The following SPOCK3 variants were observed in gnomAD, a reference collection of about 807,000 sequenced individuals.
The protein encoded by SPOCK3 is testican-3.
Under a neutral mutation model 56.6 loss-of-function variants are expected in SPOCK3, and 30 were observed. The ratio of observed to expected loss-of-function variants is 0.53; its 90% confidence interval spans 0.40 to 0.72. SPOCK3 has a LOEUF of 0.72. Among genes scored for constraint, SPOCK3 ranks in the 30% least tolerant of loss-of-function variants. The pLI is 0.00. For synonymous variants in SPOCK3, 196 were observed against 183.3 expected (o/e 1.07, Z -0.56); for missense variants, 527 against 530.0 (o/e 0.99, Z 0.06).
At chr4:166,984,880 A>C (rs1257426996) in intron 4 of SPOCK3, among the ~76,000 whole-genome samples, 1 of 152,124 alleles carries the variant, frequency 6.6e-6, no homozygotes, top group Non-Finnish European at 1.5e-5. Flanking sequence ...GTTTCATAAC[A>C]ATAATTCTTT....
intron 8 of SPOCK3, among the ~76,000 whole-genome samples, chr4:166,746,339 A>C (rs902652201): frequency 1.3e-5 from 2 of 152,176 alleles, no homozygotes; most frequent in African/African-American, 2.4e-5. Context: ...TAAGAAACTC[A>C]CTCAAAACCA....
At chr4:167,106,033 A>T (rs933799344) in intron 2 of SPOCK3, among the ~76,000 whole-genome samples, 3 of 151,920 alleles carry the variant, frequency 2.0e-5, no homozygotes, top group African/African-American at 7.2e-5. Context: ...TAATAGCTGG[A>T]GAGTTTAACA....
chr4:167,076,415 C>T (rs919056001), intron 2 of SPOCK3, among the ~76,000 whole-genome samples: 4 of 151,654 alleles, frequency 2.6e-5, no homozygotes, highest in Non-Finnish European at 4.4e-5. Context: ...TGGGAAAACT[C>T]TGTACCTTCT....
Position 166,778,999 on chromosome 4 carries a change from A to C in SPOCK3, c.709+13171T>G, listed in dbSNP as rs183456280. On this transcript the variant is annotated intron_variant, in intron 7 of 10. Transcript: ENST00000357545. ...GAAAATGAGATAAATTATCACCAAA[A>C]ACCACCTACCCAAAACTCGGATGAT... Among the ~76,000 whole-genome samples, 35 of 152,208 alleles carry C rather than the reference A, an allele frequency of 2.3e-4. No individual in the cohort carries two copies. The East Asian group carries it at 6.0e-3, about 26-fold the overall frequency.
intron 6 of SPOCK3, among the ~76,000 whole-genome samples, chr4:166,830,942 TTGAAA>T (rs1193468121): frequency 1.3e-5 from 2 of 152,170 alleles, no homozygotes; most frequent in African/African-American, 4.8e-5. Flanking sequence ...ATCTCTAATC[TTGAAA>T]TGAGGTGATG....
intron 2 of SPOCK3, among the ~76,000 whole-genome samples, chr4:167,130,736 T>A (rs1762639331): frequency 6.6e-6 from 1 of 152,184 alleles, no homozygotes; most frequent in African/African-American, 2.4e-5. Context: ...CTAGAAATGC[T>A]ACATAAAATC....
chr4:167,162,234 G>A (rs754606852), intron 2 of SPOCK3, among the ~76,000 whole-genome samples: 2 of 152,016 alleles, frequency 1.3e-5, no homozygotes, highest in Non-Finnish European at 2.9e-5. Context: ...ATTTAGGAAA[G>A]CTTTTGTGTT....
chr4:166,861,621 G>A (rs925259759), intron 6 of SPOCK3, among the ~76,000 whole-genome samples: 7 of 152,058 alleles, frequency 4.6e-5, no homozygotes, highest in Non-Finnish European at 8.8e-5. Flanking sequence ...TGCTATTTAT[G>A]TGTGGCTCTC....
intron 5 of SPOCK3, among the ~76,000 whole-genome samples, chr4:166,902,727 T>G (rs1265870184): frequency 6.6e-6 from 1 of 151,706 alleles, no homozygotes; most frequent in Non-Finnish European, 1.5e-5. Flanking sequence ...GTTCATTATC[T>G]TGATTGAAGT....
chr4:166,866,052 A>C (rs570925049), intron 6 of SPOCK3, among the ~76,000 whole-genome samples: 4 of 152,194 alleles, frequency 2.6e-5, no homozygotes, highest in Non-Finnish European at 4.4e-5. Context: ...TATGGTAACC[A>C]AAACAGCATG....
intron 6 of SPOCK3, among the ~76,000 whole-genome samples, chr4:166,807,153 G>A (rs983091271): frequency 2.8e-4 from 43 of 152,022 alleles, no homozygotes; most frequent in African/African-American, 9.4e-4. Flanking sequence ...AGCACTGTAT[G>A]CTAGACCAAG....
chr4:167,055,128 C>T (rs10019425), intron 3 of SPOCK3, among the ~76,000 whole-genome samples: 1 of 151,776 alleles, frequency 6.6e-6, no homozygotes, highest in Non-Finnish European at 1.5e-5. Context: ...TTTTTCTTCA[C>T]TTTTTTTAGA....
intron 2 of SPOCK3, among the ~76,000 whole-genome samples, chr4:167,143,118 C>A (rs749532922): frequency 1.3e-4 from 20 of 151,996 alleles, no homozygotes; most frequent in Non-Finnish European, 2.4e-4. Context: ...CCTTTGAGCA[C>A]TATTCAAGTC....
intron 6 of SPOCK3, among the ~76,000 whole-genome samples, chr4:166,839,693 T>C (rs1397388892): frequency 6.6e-6 from 1 of 152,160 alleles, no homozygotes; most frequent in African/African-American, 2.4e-5. Flanking sequence ...CCTAAGCTCA[T>C]TTACCATCAT....
intron 6 of SPOCK3, among the ~76,000 whole-genome samples, chr4:166,807,494 G>C (rs1250814041): frequency 6.6e-6 from 1 of 152,082 alleles, no homozygotes; most frequent in African/African-American, 2.4e-5. Context: ...TGTTTGTCCT[G>C]TGTTCTTTAA....
At chr4:167,056,543 AT>A (rs1243869679) in intron 3 of SPOCK3, among the ~76,000 whole-genome samples, 6 of 152,158 alleles carry the variant, frequency 3.9e-5, no homozygotes, top group Middle Eastern at 3.2e-3. Context: ...TTTGAAAAAA[AT>A]TTAGATGAAT....
intron 3 of SPOCK3, among the ~76,000 whole-genome samples, chr4:167,035,916 G>A (rs1404971540): frequency 6.6e-6 from 1 of 152,020 alleles, no homozygotes; most frequent in Non-Finnish European, 1.5e-5. Flanking sequence ...CTGTTCCAAT[G>A]TATTTCTGCC....
intron 2 of SPOCK3, among the ~76,000 whole-genome samples, chr4:167,092,965 A>T (rs1758831829): frequency 6.6e-6 from 1 of 152,192 alleles, no homozygotes; most frequent in African/African-American, 2.4e-5. Flanking sequence ...CTTTTGCCAA[A>T]TACTTTGTAA....
At chr4:166,785,485 T>C (rs1253480068) in intron 7 of SPOCK3, among the ~76,000 whole-genome samples, 1 of 152,150 alleles carries the variant, frequency 6.6e-6, no homozygotes, top group Non-Finnish European at 1.5e-5. Flanking sequence ...ACAATTTGGT[T>C]GATTAAAATC....
Sources: gnomAD v4.1 joint callset for allele counts (sites outside exome capture counted in the v4.1 genomes callset) on GRCh38, gnomAD v4.1.1 for gene constraint, MANE v1.5 for transcripts, NCBI Gene and HGNC (gene_info 2026-07-23, HGNC 2026-07-21) for gene names.